Variants in AGMO observed in about 807,000 individuals in gnomAD.
AGMO encodes glyceryl-ether monooxygenase.
A neutral mutation model predicts 60.2 loss-of-function variants in AGMO; 75 were observed. That is an observed-to-expected ratio of 1.25 (90% CI 1.03 to 1.51). AGMO has a LOEUF of 1.51. AGMO is among the 40% of genes most tolerant of loss of function. The pLI is 0.00. For missense variants in AGMO, 763 were observed against 525.5 expected, an observed-to-expected ratio of 1.45 and a Z score of -4.42; for synonymous variants, 261 against 177.1, an observed-to-expected ratio of 1.47 and a Z score of -3.76.
rs948369729 is a variant in AGMO at position 15,497,228 on chromosome 7, A to G, written c.409+47544T>C. ...TCATTCCTATTTGACAGATGAGAAA[A>G]GGTGAGTCAGATAGGTTATATATTT... On this transcript the variant is annotated intron_variant, in intron 3 of 12. Coordinates refer to ENST00000342526, the MANE Select transcript of AGMO (RefSeq NM_001004320.2). 6.6e-5 allele frequency among the ~76,000 whole-genome samples: 10 copies of G among 152,066 alleles called. No individual in the cohort carries two copies. In the East Asian group the frequency reaches 9.7e-4, roughly 15 times the overall value.
At chr7:15,331,879 T>C (rs996931699) in intron 12 of AGMO, among the ~76,000 whole-genome samples, 1 of 151,126 alleles carries the variant, frequency 6.6e-6, no homozygotes, top group South Asian at 2.1e-4. Flanking sequence ...TGAGCCAAGA[T>C]CACACCATCG....
intron 12 of AGMO, among the ~76,000 whole-genome samples, chr7:15,223,291 A>G (rs1317822301): frequency 1.3e-5 from 2 of 152,078 alleles, no homozygotes; most frequent in Non-Finnish European, 1.5e-5. Flanking sequence ...TACTAGAAAT[A>G]CCATCATTAT....
chr7:15,190,252 C>A, the AGMO span, among the ~76,000 whole-genome samples: 2 of 131,362 alleles, frequency 1.5e-5, no homozygotes, highest in African/African-American at 2.7e-5. Flanking sequence ...TATATATATG[C>A]AGCAAACAGC....
the AGMO span, among the ~76,000 whole-genome samples, chr7:15,131,177 T>C: frequency 2.8e-4 from 43 of 152,228 alleles, no homozygotes; most frequent in East Asian, 1.7e-3. Flanking sequence ...AATGATTTCA[T>C]CAACATACAG....
At chr7:15,417,611 G>A (rs1780810026) in intron 5 of AGMO, among the ~76,000 whole-genome samples, 1 of 152,138 alleles carries the variant, frequency 6.6e-6, no homozygotes, top group South Asian at 2.1e-4. Flanking sequence ...TGTGTGTTAA[G>A]TATCATAAAA....
At chr7:15,435,421 T>G (rs1462680528) in intron 3 of AGMO, among the ~76,000 whole-genome samples, 1 of 152,062 alleles carries the variant, frequency 6.6e-6, no homozygotes, top group Non-Finnish European at 1.5e-5. Context: ...TGACAGCCAT[T>G]ATAATAGGTA....
At chr7:15,258,195 T>C (rs113521174) in intron 12 of AGMO, among the ~76,000 whole-genome samples, 2,821 of 152,316 alleles carry the variant, frequency 0.019, 91 homozygotes, top group African/African-American at 0.062. Flanking sequence ...AATACTTTTT[T>C]ATGGCTTTCA....
rs1179512971 is a variant in AGMO, at chr7:15,268,851, T to C, written c.1264-67492A>G. Reference sequence around the variant, plus strand: ...TTGACTTGTTAGATTATTTTCTCTATTTTGCGGTAAGGTCAACAGATGAAT... The same window carrying C: ...TTGACTTGTTAGATTATTTTCTCTACTTTGCGGTAAGGTCAACAGATGAAT... On this transcript the variant is annotated intron_variant, in intron 12 of 12. Transcript: ENST00000342526. 3.9e-5 allele frequency among the ~76,000 whole-genome samples: 6 copies of C among 152,044 alleles called. No homozygotes were observed. In the East Asian group the frequency reaches 1.2e-3, roughly 29 times the overall value.
chr7:15,438,691 C>T (rs75655272), intron 3 of AGMO, among the ~76,000 whole-genome samples: 14,290 of 152,062 alleles, frequency 0.094, 875 homozygotes, highest in South Asian at 0.15. Flanking sequence ...CACTAAGGCC[C>T]TAGGGTACGC....
At chr7:15,229,996 CAA>C (rs1364687987) in intron 12 of AGMO, among the ~76,000 whole-genome samples, 2 of 151,488 alleles carry the variant, frequency 1.3e-5, no homozygotes, top group Non-Finnish European at 2.9e-5. Context: ...TTCATTGAAA[CAA>C]AATTAAAATT....
At chr7:15,320,511 C>A (rs1781076214) in intron 12 of AGMO, among the ~76,000 whole-genome samples, 1 of 152,172 alleles carries the variant, frequency 6.6e-6, no homozygotes, top group East Asian at 1.9e-4. Context: ...CTTTTGATAT[C>A]TCAACTCTCC....
At chr7:15,396,447 A>G (rs995658871) in intron 5 of AGMO, 8 of 152,270 alleles carry the variant, frequency 5.3e-5, no homozygotes, top group Non-Finnish European at 1.0e-4. Flanking sequence ...GTGAAGCTGC[A>G]CACCTTCCGG....
At chr7:15,358,526 C>G (rs909527666) in intron 12 of AGMO, 2 of 430,390 alleles carry the variant, frequency 4.6e-6, no homozygotes, top group Non-Finnish European at 9.6e-6. Context: ...GTAAGAATCC[C>G]TCCAGGGATT....
intron 12 of AGMO, among the ~76,000 whole-genome samples, chr7:15,337,455 A>G (rs958973870): frequency 4.6e-5 from 7 of 152,124 alleles, no homozygotes; most frequent in African/African-American, 1.7e-4. Context: ...ACTCAAGGAG[A>G]CACTTGAAAT....
chr7:15,388,921 G>A (rs961933416), intron 8 of AGMO, among the ~76,000 whole-genome samples: 8 of 152,156 alleles, frequency 5.3e-5, no homozygotes, highest in Admixed American at 1.3e-4. Context: ...GGAAATGTGA[G>A]GGGGAAAGAC....
In AGMO at chr7:15,437,817, G is replaced by T. The variant is rs1003595624; in HGVS notation, c.410-6709C>A. ...GGCCTCACAAAGTGCTGAGATTACA[G>T]GCGTGAGCCACTGCGCCCGGATGTT... On this transcript the variant is annotated intron_variant, in intron 3 of 12. Coordinates refer to ENST00000342526, the MANE Select transcript of AGMO (RefSeq NM_001004320.2). Among the ~76,000 whole-genome samples, 3 of 152,294 alleles carry T rather than the reference G, an allele frequency of 2.0e-5. No homozygotes were observed. The East Asian group carries it at 5.8e-4, about 29-fold the overall frequency.
chr7:15,179,423 G>A, the AGMO span, among the ~76,000 whole-genome samples: 1 of 152,170 alleles, frequency 6.6e-6, no homozygotes, highest in Non-Finnish European at 1.5e-5. Flanking sequence ...GAAAGTGAGA[G>A]CTATGCAAGA....
intron 12 of AGMO, among the ~76,000 whole-genome samples, chr7:15,227,832 A>T (rs1459104195): frequency 6.6e-6 from 1 of 152,114 alleles, no homozygotes; most frequent in African/African-American, 2.4e-5. Flanking sequence ...ATGACTTAAA[A>T]TCAGCACAAG....
intron 3 of AGMO, among the ~76,000 whole-genome samples, chr7:15,455,776 G>C (rs1199704365): frequency 6.6e-6 from 1 of 152,064 alleles, no homozygotes; most frequent in Non-Finnish European, 1.5e-5. Context: ...ATGCCATTTT[G>C]ATTCCACCTC....
Sources: allele counts gnomAD v4.1 joint callset (sites outside exome capture counted in the v4.1 genomes callset), GRCh38; gene constraint gnomAD v4.1.1; transcripts MANE v1.5; gene names NCBI Gene and HGNC (gene_info 2026-07-23, HGNC 2026-07-21).